The following MROH2A variants were observed in gnomAD, a reference collection of about 807,000 sequenced individuals.
The protein encoded by MROH2A is maestro heat-like repeat-containing protein family member 2A.
MROH2A carries 174 observed loss-of-function variants against 200.4 expected under a neutral mutation model. The ratio of observed to expected loss-of-function variants is 0.87; its 90% CI spans 0.77 to 0.98. The LOEUF (loss-of-function observed/expected upper bound fraction) is 0.98. MROH2A is among the 50% of genes least tolerant of loss of function. MROH2A has a pLI of 0.00. For synonymous variants in MROH2A, 829 were observed against 840.4 expected (o/e 0.99, Z 0.23); for missense variants, 2,045 against 2,139.6 (o/e 0.96, Z 0.87).
At chr2:233,822,614 C>A (rs1704023077) in intron 33 of MROH2A, 58 bp downstream of exon 33, 1 of 1,512,684 alleles carries the variant, frequency 6.6e-7, no homozygotes, top group Admixed American at 2.0e-5. Context: ...TAGCCACGGG[C>A]TGCCCCTTAG....
chr2:233,800,633 G>GTGTGTGTGTA (rs1559455634), intron 14 of MROH2A, among the ~76,000 whole-genome samples: 3 of 19,698 alleles, frequency 1.5e-4, no homozygotes, highest in African/African-American at 5.0e-4. Flanking sequence ...GTGTGTGTAT[G>GTGTGTGTGTA]TGTGTGTGTG....
chr2:233,807,399 C>A lies in MROH2A; in HGVS notation c.2053-24C>A, dbSNP rs1380537888. 1.3e-6 allele frequency: 2 copies of A among 1,541,366 alleles called. No homozygotes were observed. The highest frequency in any genetic ancestry group is 1.2e-5 in the South Asian group (1 of 83,262). ...GGCTGGCTGTAGGGAGGCCTGAGCT[C>A]CTTCCTCCCTTCTGCCTCTCCAGGG... is the stretch of plus-strand genomic sequence containing the variant. On this transcript the variant is annotated intron_variant, in intron 19 of 41. Transcript: ENST00000389758. The surrounding 1 kb of genome is among the most constrained non-coding windows in gnomAD (Gnocchi z 4.3).
chr2:233,803,413 G>A (rs1218849238), intron 15 of MROH2A, 35 bp from the exon 16 acceptor site: 1 of 1,550,112 alleles, frequency 6.5e-7, no homozygotes, highest in Non-Finnish European at 8.7e-7. Context: ...TACAAGCCAG[G>A]AAGGCTCAGC....
chr2:233,818,150 C>T (rs1390511691), intron 28 of MROH2A, 25 bp downstream of exon 28: 1 of 1,548,954 alleles, frequency 6.5e-7, no homozygotes, highest in Admixed American at 2.0e-5. Flanking sequence ...GACATGAGGA[C>T]CAGCTCCTCT....
Position 233,822,169 on chromosome 2 carries a change from C to T in MROH2A, c.3558C>T (p.Phe1186=), listed in dbSNP as rs981035382. 4.3e-5 allele frequency: 66 copies of T among 1,549,952 alleles called. No individual in the cohort carries two copies. The highest frequency in any genetic ancestry group is 2.9e-4 in the Admixed American group (15 of 51,010). Residue 1186 remains phenylalanine, a synonymous_variant, in exon 32 of 42, where the codon TTC becomes TTT. Transcript: ENST00000389758. ...VWLAVSENVP[F]ARTMLHSLMG... ...TGGCAGTGTCGGAGAACGTGCCCTTCGCCCGGACCATGCTCCACAGCCTGA... is the reference window on the plus strand; with the variant it reads ...TGGCAGTGTCGGAGAACGTGCCCTTTGCCCGGACCATGCTCCACAGCCTGA...
At chr2:233,806,071 A>G (rs1226526613) in intron 19 of MROH2A, among the ~76,000 whole-genome samples, 1 of 152,206 alleles carries the variant, frequency 6.6e-6, no homozygotes, top group East Asian at 1.9e-4. Flanking sequence ...ACATCATGAA[A>G]ATTAAAACCT....
rs753669277 is a variant in MROH2A, at chr2:233,790,558, CTCCT to C, written c.571+561_571+564del. On this transcript the variant is annotated intron_variant, in intron 5 of 41. Coordinates refer to ENST00000389758, the MANE Select transcript of MROH2A (RefSeq NM_001394639.1). ...TTCCCCTCCCTCCCCCTTTCTTTTTCTCCTTCCTTCCTTCCTTCCTCCCTCCCCT... is the reference window on the plus strand; with the variant it reads ...TTCCCCTCCCTCCCCCTTTCTTTTTCTCCTTCCTTCCTTCCTCCCTCCCCT... Among the ~76,000 whole-genome samples, 13 of 22,146 alleles carry C rather than the reference CTCCT, an allele frequency of 5.9e-4. 1 individual carries two copies. Among genetic ancestry groups the C allele is most frequent in the Middle Eastern group, 0.019 (1 of 54 alleles). 14.5% of individuals were successfully genotyped at this position (22,146 alleles called of 152,430 possible). A position where few individuals can be genotyped will look rare whatever the true frequency, so the allele number is the denominator to read the frequency against.
At chr2:233,814,519 G>A in intron 25 of MROH2A, 63 bp from the exon 26 acceptor site, 2 of 1,227,026 alleles carry the variant, frequency 1.6e-6, no homozygotes, top group Non-Finnish European at 2.3e-6. Context: ...TGAACTCCCT[G>A]CAGGGAGGGG....
At chr2:233,799,672 G>T in intron 12 of MROH2A, 108 bp from the exon 13 acceptor site, 4 of 1,380,618 alleles carry the variant, frequency 2.9e-6, no homozygotes, top group Non-Finnish European at 3.9e-6. Context: ...AGTCCCTGAG[G>T]CCCCTTCTAG....
intron 31 of MROH2A, 86 bp from the exon 32 acceptor site, chr2:233,822,038 G>A (rs1470422062): frequency 6.9e-7 from 1 of 1,442,048 alleles, no homozygotes; most frequent in African/African-American, 1.4e-5. Context: ...CCCTACTTAG[G>A]GGGCTGCCAA....
Position 233,794,800 on chromosome 2 carries a change from C to T in MROH2A, c.966+294C>T, listed in dbSNP as rs570078915. ...AGGGTTGCTGTAACAAAGAACCACA[C>T]ATGCGTAGCTTGAAGCAACAGAGAT... On this transcript the variant is annotated intron_variant, in intron 8 of 41. Transcript: ENST00000389758. 5.3e-5 allele frequency among the ~76,000 whole-genome samples: 8 copies of T among 152,302 alleles called. No individual in the cohort carries two copies. The South Asian group carries it at 1.5e-3, about 28-fold the overall frequency.
intron 2 of MROH2A, 38 bp downstream of exon 2, chr2:233,779,490 TCTCAGACA>T (rs1264807445): frequency 4.7e-6 from 7 of 1,479,156 alleles, no homozygotes; most frequent in Non-Finnish European, 5.5e-6. Context: ...TCCTGCCCCA[TCTCAGACA>T]CTAACTCTTT....
Position 233,799,841 on chromosome 2 carries a change from T to C in MROH2A, c.1391T>C (p.Ile464Thr). The part of the protein sequence containing the change: ...QLALCGYQER[I>T]KGWGLKYLSV... The stretch of plus-strand genomic sequence containing the variant: ...GCTCTCTGTGGCTACCAGGAGAGAA[T>C]CAAAGGCTGGGGCCTGAAGTACCTG... The change falls in exon 13 of 42, where the codon ATC becomes ACC. Residue 464 changes from isoleucine to threonine, a missense_variant. Transcript: ENST00000389758. 2 of 1,550,444 alleles carry C rather than the reference T, an allele frequency of 1.3e-6. No individual in the cohort carries two copies. Among genetic ancestry groups the C allele is most frequent in the South Asian group, 2.4e-5 (2 of 84,036 alleles).
Position 233,789,841 on chromosome 2 carries a change from G to C in MROH2A, c.409-11G>C. On this transcript the variant is annotated splice_polypyrimidine_tract_variant and intron_variant, in intron 4 of 41. Coordinates refer to ENST00000389758, the MANE Select transcript of MROH2A (RefSeq NM_001394639.1). ...TGGTGGTGCCATATGTCCCTCTTCT[G>C]TCTCCTGCAGATGGAGGGCTATATG... The C allele has an allele frequency of 6.5e-7, 1 of 1,546,994 alleles. No individual in the cohort carries two copies. Among genetic ancestry groups the C allele is most frequent in the African/African-American group, 1.4e-5 (1 of 73,104 alleles).
intron 35 of MROH2A, among the ~76,000 whole-genome samples, chr2:233,827,887 T>C (rs1285119752): frequency 2.0e-5 from 3 of 152,086 alleles, no homozygotes; most frequent in Non-Finnish European, 2.9e-5. Flanking sequence ...GCATTTAAAA[T>C]AGGTTGTGAT....
In MROH2A at chr2:233,829,078, T is replaced by C; in HGVS notation, c.4446+6T>C. The C allele has an allele frequency of 1.3e-6, 2 of 1,502,750 alleles. No individual in the cohort carries two copies. Among genetic ancestry groups the C allele is most frequent in the Non-Finnish European group, 8.9e-7 (1 of 1,121,414 alleles). 93.1% of individuals were successfully genotyped at this position (1,502,750 alleles called of 1,614,324 possible). A position where few individuals can be genotyped will look rare whatever the true frequency, so the allele number is the denominator to read the frequency against. ...GCAGGATCTTCTTCGACAACGTGAG[T>C]CCGATGAGAGCCTCCCTGAGCTTGC... On this transcript the variant is annotated splice_donor_region_variant and intron_variant, in intron 37 of 41. Transcript: ENST00000389758.
chr2:233,819,295 G>C (rs1575997482), intron 29 of MROH2A, 22 bp from the exon 30 acceptor site: 1 of 1,544,462 alleles, frequency 6.5e-7, no homozygotes. Context: ...GAGGGCAGGG[G>C]AGTCACCCGC....
Position 233,828,748 on chromosome 2 carries a change from T to C in MROH2A, c.4232T>C (p.Leu1411Pro), listed in dbSNP as rs759391979. The C allele has an allele frequency of 1.9e-6, 3 of 1,550,454 alleles. No individual in the cohort carries two copies. In the South Asian group the frequency reaches 3.6e-5, roughly 18 times the overall value. ...CTGCGGGTGCTGTCCCTGCGCGCCCTCGGCAACATGGCCCTGGGCGCCCCC... is the reference window on the plus strand; with the variant it reads ...CTGCGGGTGCTGTCCCTGCGCGCCCCCGGCAACATGGCCCTGGGCGCCCCC... ...EALRVLSLRALGNMALGAPKK... is the reference protein window; with the variant it reads ...EALRVLSLRAPGNMALGAPKK... Residue 1411 changes from leucine to proline, a missense_variant, in exon 36 of 42, where the codon CTC (leucine) becomes CCC (proline). Transcript: ENST00000389758. This position sits in a 1 kb window ranked among gnomAD's most constrained non-coding sequence, Gnocchi z 4.6.
chr2:233,814,633 C>G lies in MROH2A; in HGVS notation c.2812C>G (p.Leu938Val). 6.4e-7 allele frequency: 1 copy of G among 1,550,504 alleles called. No homozygotes were observed. The highest frequency in any genetic ancestry group is 8.7e-7 in the Non-Finnish European group (1 of 1,146,926). Residue 938 changes from leucine (L) to valine (V), a missense_variant, in exon 26 of 42, where the codon CTG becomes GTG. Coordinates refer to ENST00000389758, the MANE Select transcript of MROH2A (RefSeq NM_001394639.1). ...CCTGGAGCAGCTGATGGAGAGCCTC[C>G]TGCAGAGGCAGCTGGACCCCAAGGG... is the stretch of plus-strand genomic sequence containing the variant. ...SSLEQLMESL[L>V]QRQLDPKGLQ...
Sources: allele counts gnomAD v4.1 joint callset (sites outside exome capture counted in the v4.1 genomes callset), GRCh38; gene constraint gnomAD v4.1.1; non-coding constraint Gnocchi (gnomAD v3.1); transcripts MANE v1.5; gene names NCBI Gene and HGNC (gene_info 2026-07-23, HGNC 2026-07-21).